Variants in CAMK1D observed in about 807,000 individuals in gnomAD.
CAMK1D encodes calcium/calmodulin-dependent protein kinase type 1D.
Under a neutral mutation model 47.7 loss-of-function variants are expected in CAMK1D, and 9 were observed. The observed-to-expected ratio is 0.19, with a 90% CI of 0.11 to 0.33. The LOEUF (loss-of-function observed/expected upper bound fraction) is 0.33, where lower values mean the gene tolerates loss of function less well. Among genes scored for constraint, CAMK1D ranks in the 10% least tolerant of loss-of-function variants. The probability of loss-of-function intolerance (pLI) is 1.00; values close to 1 mark genes in which losing one functional copy is unlikely to be tolerated. For synonymous variants in CAMK1D, 184 were observed against 184.9 expected (o/e 0.99, Z 0.04); for missense variants, 291 against 488.7 (o/e 0.60, Z 3.81).
At chr10:12,460,094 GA>G (rs1833378296) in intron 1 of CAMK1D, among the ~76,000 whole-genome samples, 1 of 152,006 alleles carries the variant, frequency 6.6e-6, no homozygotes, top group South Asian at 2.1e-4. Flanking sequence ...TTTTCAGGGT[GA>G]AAAAAATGCA....
At chr10:12,824,256 G>A (rs1447348901) in intron 8 of CAMK1D, among the ~76,000 whole-genome samples, 3 of 152,074 alleles carry the variant, frequency 2.0e-5, no homozygotes. Flanking sequence ...TGTAGAAGCT[G>A]GAATAGGACT....
chr10:12,738,783 G>T (rs1055898849), intron 3 of CAMK1D, among the ~76,000 whole-genome samples: 3 of 152,094 alleles, frequency 2.0e-5, no homozygotes, highest in Admixed American at 1.3e-4. Context: ...AGTGAGCTAA[G>T]ATCACACCAC....
At chr10:12,539,774 C>A (rs1836104916) in intron 1 of CAMK1D, among the ~76,000 whole-genome samples, 1 of 152,176 alleles carries the variant, frequency 6.6e-6, no homozygotes, top group African/African-American at 2.4e-5. Flanking sequence ...GCAGTTTCAT[C>A]CACGTCAGTA....
chr10:12,591,750 A>G (rs959662291), intron 2 of CAMK1D, among the ~76,000 whole-genome samples: 1 of 152,100 alleles, frequency 6.6e-6, no homozygotes, highest in African/African-American at 2.4e-5. Context: ...CTGGAGTGCA[A>G]TGGCGCGATC....
intron 1 of CAMK1D, among the ~76,000 whole-genome samples, chr10:12,356,465 G>A (rs1837519941): frequency 6.6e-6 from 1 of 152,180 alleles, no homozygotes; most frequent in Admixed American, 6.5e-5. Context: ...TGAATTTGAA[G>A]GTGAAATTCT....
intron 5 of CAMK1D, among the ~76,000 whole-genome samples, chr10:12,774,876 C>A (rs1564552010): frequency 6.6e-6 from 1 of 152,262 alleles, no homozygotes; most frequent in South Asian, 2.1e-4. Flanking sequence ...TGAAACCATC[C>A]CCAATACCGT....
chr10:12,551,420 G>T (rs1836573188), intron 1 of CAMK1D, among the ~76,000 whole-genome samples: 1 of 152,216 alleles, frequency 6.6e-6, no homozygotes, highest in Admixed American at 6.5e-5. Flanking sequence ...GTTATGGCAA[G>T]TTGTAGAATT....
chr10:12,351,133 G>T (rs1367777403), intron 1 of CAMK1D, among the ~76,000 whole-genome samples: 2 of 152,116 alleles, frequency 1.3e-5, no homozygotes, highest in African/African-American at 2.4e-5. Context: ...TCTGCAGGGG[G>T]TCCCCCGGAG....
intron 1 of CAMK1D, among the ~76,000 whole-genome samples, chr10:12,408,848 C>CTTTTTTT (rs113921067): frequency 1.2e-3 from 143 of 121,846 alleles, no homozygotes; most frequent in Non-Finnish European, 1.4e-3. Context: ...TTCTTTCTTT[C>CTTTTTTT]TTTTTTTTTT....
intron 2 of CAMK1D, among the ~76,000 whole-genome samples, chr10:12,666,032 A>G (rs910792257): frequency 9.9e-5 from 15 of 151,992 alleles, no homozygotes; most frequent in African/African-American, 3.6e-4. Context: ...CAACTTGTGT[A>G]CTCTGTGCTT....
chr10:12,525,015 T>C (rs1445993134), intron 1 of CAMK1D, among the ~76,000 whole-genome samples: 3 of 152,234 alleles, frequency 2.0e-5, no homozygotes, highest in Non-Finnish European at 4.4e-5. Flanking sequence ...TAGACTTTCA[T>C]TGGATAGAAT....
chr10:12,806,809 G>A (rs2131054807), intron 6 of CAMK1D, among the ~76,000 whole-genome samples: 1 of 152,308 alleles, frequency 6.6e-6, no homozygotes, highest in South Asian at 2.1e-4. Flanking sequence ...AGCCATGCCA[G>A]GCTTCCAGGG....
chr10:12,746,363 C>CAAAA (rs542434085), intron 3 of CAMK1D, among the ~76,000 whole-genome samples: 6 of 86,862 alleles, frequency 6.9e-5, no homozygotes, highest in African/African-American at 3.0e-4. Flanking sequence ...GACTCCGTCT[C>CAAAA]AAAAAAAAAA....
intron 1 of CAMK1D, among the ~76,000 whole-genome samples, chr10:12,453,618 A>G (rs891139487): frequency 6.6e-6 from 1 of 152,184 alleles, no homozygotes; most frequent in African/African-American, 2.4e-5. Context: ...TGCTAGGAAT[A>G]TTGGTGTATG....
intron 3 of CAMK1D, among the ~76,000 whole-genome samples, chr10:12,670,738 G>A (rs1840589539): frequency 6.6e-6 from 1 of 151,978 alleles, no homozygotes; most frequent in African/African-American, 2.4e-5. Flanking sequence ...TAGTAGAGAT[G>A]GGGTTTCACC....
chr10:12,636,023 G>A (rs1839504034), intron 2 of CAMK1D, among the ~76,000 whole-genome samples: 1 of 152,134 alleles, frequency 6.6e-6, no homozygotes, highest in Non-Finnish European at 1.5e-5. Flanking sequence ...AGTCCTTGCA[G>A]TTTTTCTTTT....
At chr10:12,581,363 G>A (rs1048418563) in intron 2 of CAMK1D, among the ~76,000 whole-genome samples, 1 of 152,176 alleles carries the variant, frequency 6.6e-6, no homozygotes, top group Admixed American at 6.5e-5. Flanking sequence ...GTGCAAGTAT[G>A]TTTTTTGTAC....
At chr10:12,800,725 G>A (rs556755050) in intron 6 of CAMK1D, among the ~76,000 whole-genome samples, 3 of 152,328 alleles carry the variant, frequency 2.0e-5, no homozygotes, top group Admixed American at 6.5e-5. Context: ...TCTCAGGAAA[G>A]CTTGAGCTGT....
intron 1 of CAMK1D, among the ~76,000 whole-genome samples, chr10:12,508,353 T>A (rs1834941238): frequency 6.6e-6 from 1 of 152,244 alleles, no homozygotes; most frequent in Non-Finnish European, 1.5e-5. Context: ...CCCATGCTGC[T>A]GCATGGGTGA....
Sources: gnomAD v4.1 joint callset for allele counts (sites outside exome capture counted in the v4.1 genomes callset) on GRCh38, gnomAD v4.1.1 for gene constraint, MANE v1.5 for transcripts, NCBI Gene and HGNC (gene_info 2026-07-23, HGNC 2026-07-21) for gene names.